Variants in PCNX2 observed in about 807,000 individuals in gnomAD.
The protein encoded by PCNX2 is pecanex 2, also known as pecanex-like protein 2.
A neutral mutation model predicts 223.8 loss-of-function variants in PCNX2; 168 were observed. That is an observed-to-expected ratio of 0.75 (90% confidence interval 0.66 to 0.85). PCNX2 has a LOEUF of 0.85. Ranked by LOEUF, PCNX2 falls within the 40% of genes least tolerant of loss-of-function variation. The pLI, the probability that PCNX2 is intolerant of heterozygous loss-of-function variation, is 0.00. For synonymous variants in PCNX2, 1,006 were observed against 1,052.6 expected, an observed-to-expected ratio of 0.96 and a Z score of 0.86; for missense variants, 2,507 against 2,675.5, an observed-to-expected ratio of 0.94 and a Z score of 1.39.
At chr1:233,301,029 A>G in the PCNX2 span, among the ~76,000 whole-genome samples, 1 of 152,210 alleles carries the variant, frequency 6.6e-6, no homozygotes, top group Non-Finnish European at 1.5e-5. Context: ...AGGAGAAGTC[A>G]TACCTGCTAG....
rs1670086143 is a variant in PCNX2 at position 233,001,513 on chromosome 1, TAAA to T, written c.5097+21_5097+23del. The T allele has an allele frequency of 1.6e-6, 2 of 1,231,638 alleles. No homozygotes were observed. The highest frequency in any genetic ancestry group is 1.6e-5 in the African/African-American group (1 of 62,762). 76.3% of individuals were successfully genotyped at this position (1,231,638 alleles called of 1,614,324 possible). A position where few individuals can be genotyped will look rare whatever the true frequency, so the allele number is the denominator to read the frequency against. On this transcript the variant is annotated intron_variant, in intron 29 of 33. Coordinates refer to ENST00000258229, the MANE Select transcript of PCNX2 (RefSeq NM_014801.4). This position sits in a 1 kb window ranked among gnomAD's most constrained non-coding sequence, Gnocchi z 4.2. ...ATAAATAAATAAATAAATAAATAAA[TAAA>T]TAAATAAAATAGGTTTTTACCTGGT...
chr1:233,068,688 G>A (rs900318080), intron 23 of PCNX2, among the ~76,000 whole-genome samples: 3 of 151,548 alleles, frequency 2.0e-5, no homozygotes, highest in African/African-American at 7.3e-5. Flanking sequence ...AATACCTAGA[G>A]CAAACACTAA....
intron 21 of PCNX2, among the ~76,000 whole-genome samples, chr1:233,103,242 A>G (rs1287676872): frequency 6.6e-6 from 1 of 152,114 alleles, no homozygotes; most frequent in Non-Finnish European, 1.5e-5. Context: ...AAAATTGGGT[A>G]TCTATTCCCT....
In PCNX2 at chr1:232,997,542, A is replaced by G. The variant is rs552606462; in HGVS notation, c.5791+709T>C. Reference sequence around the variant, plus strand: ...GTAAAGCCAAGGACCAGCAGGAACCAGGGCAGAGCATCCATCTCTTTCATG... The same window carrying G: ...GTAAAGCCAAGGACCAGCAGGAACCGGGGCAGAGCATCCATCTCTTTCATG... On this transcript the variant is annotated intron_variant, in intron 32 of 33. Coordinates refer to ENST00000258229, the MANE Select transcript of PCNX2 (RefSeq NM_014801.4). Among the ~76,000 whole-genome samples, 409 of 152,342 alleles carry G rather than the reference A, an allele frequency of 2.7e-3. 2 individuals are homozygous for G. Among genetic ancestry groups the G allele is most frequent in the African/African-American group, 9.3e-3 (386 of 41,592 alleles).
At chr1:233,279,137 ACT>A (rs1661055341) in intron 1 of PCNX2, among the ~76,000 whole-genome samples, 1 of 152,134 alleles carries the variant, frequency 6.6e-6, no homozygotes, top group South Asian at 2.1e-4. Context: ...TTGGGTTATC[ACT>A]GATTCTAGGT....
At chr1:233,242,846 C>G (rs1337843648) in intron 8 of PCNX2, among the ~76,000 whole-genome samples, 1 of 152,178 alleles carries the variant, frequency 6.6e-6, no homozygotes. Context: ...TTCATTTTGG[C>G]TCTGAACTAC....
intron 1 of PCNX2, among the ~76,000 whole-genome samples, chr1:233,286,226 G>A (rs1044667328): frequency 5.9e-5 from 9 of 152,198 alleles, no homozygotes; most frequent in African/African-American, 2.2e-4. Flanking sequence ...CAGAAGAGAA[G>A]CGCTTCAGTG....
chr1:233,013,654 CACAATGA>C (rs1156978985), intron 28 of PCNX2, among the ~76,000 whole-genome samples: 1 of 152,146 alleles, frequency 6.6e-6, no homozygotes, highest in Non-Finnish European at 1.5e-5. Flanking sequence ...ATAATATAGA[CACAATGA>C]AGCAAGTCCA....
At chr1:233,052,464 T>C (rs1672041832) in intron 25 of PCNX2, among the ~76,000 whole-genome samples, 1 of 152,204 alleles carries the variant, frequency 6.6e-6, no homozygotes, top group Non-Finnish European at 1.5e-5. Flanking sequence ...TGCTTCTTTG[T>C]CATCACATCT....
intron 23 of PCNX2, among the ~76,000 whole-genome samples, chr1:233,075,886 C>T (rs1483436870): frequency 6.6e-6 from 1 of 152,114 alleles, no homozygotes; most frequent in South Asian, 2.1e-4. Flanking sequence ...TCCAAGACTA[C>T]TCAATATTTT....
At chr1:233,225,565 C>A (rs1174090260) in intron 10 of PCNX2, among the ~76,000 whole-genome samples, 1 of 152,190 alleles carries the variant, frequency 6.6e-6, no homozygotes, top group Non-Finnish European at 1.5e-5. Flanking sequence ...CCCATTGTAA[C>A]TTGCCAGAAA....
At chr1:233,188,045 C>T (rs1159423706) in intron 15 of PCNX2, among the ~76,000 whole-genome samples, 3 of 152,182 alleles carry the variant, frequency 2.0e-5, no homozygotes, top group East Asian at 3.8e-4. Context: ...CTTTCTATTG[C>T]CGTGTAACAA....
At chr1:233,303,569 C>T in the PCNX2 span, among the ~76,000 whole-genome samples, 1 of 152,148 alleles carries the variant, frequency 6.6e-6, no homozygotes, top group Non-Finnish European at 1.5e-5. Flanking sequence ...ATATTATATA[C>T]ACACTATGTT....
intron 25 of PCNX2, 98 bp from the exon 26 acceptor site, chr1:233,025,497 T>C (rs1558172128): frequency 7.5e-6 from 11 of 1,463,646 alleles, no homozygotes; most frequent in Non-Finnish European, 1.0e-5. Context: ...GGGAAGAGGC[T>C]GAAGGGAGTC....
chr1:233,097,129 G>C (rs896021376), intron 21 of PCNX2, among the ~76,000 whole-genome samples: 3 of 152,030 alleles, frequency 2.0e-5, no homozygotes, highest in African/African-American at 7.3e-5. Context: ...CAAACAGAGA[G>C]AATCCTTAAG....
chr1:233,123,751 A>G (rs1675940924), intron 21 of PCNX2, among the ~76,000 whole-genome samples: 1 of 152,204 alleles, frequency 6.6e-6, no homozygotes, highest in Non-Finnish European at 1.5e-5. Context: ...GAAAATGTGG[A>G]CTACTTTCAG....
chr1:233,286,661 G>T (rs1448324381), intron 1 of PCNX2, among the ~76,000 whole-genome samples: 1 of 151,956 alleles, frequency 6.6e-6, no homozygotes, highest in Non-Finnish European at 1.5e-5. Flanking sequence ...CAAGACAAGC[G>T]CCAGAGAGAC....
At chr1:233,214,335 G>A (rs928791189) in intron 12 of PCNX2, among the ~76,000 whole-genome samples, 3 of 152,160 alleles carry the variant, frequency 2.0e-5, no homozygotes, top group Non-Finnish European at 4.4e-5. Flanking sequence ...ATTGAGAGAA[G>A]TAAGTTTCCC....
At chr1:233,079,585 T>C (rs2102919494) in intron 23 of PCNX2, among the ~76,000 whole-genome samples, 1 of 151,092 alleles carries the variant, frequency 6.6e-6, no homozygotes. Flanking sequence ...ATAAAAGCCA[T>C]TACTTTCTTT....
Sources: gnomAD v4.1 joint callset for allele counts (sites outside exome capture counted in the v4.1 genomes callset) on GRCh38, gnomAD v4.1.1 for gene constraint, Gnocchi (gnomAD v3.1) non-coding constraint, MANE v1.5 for transcripts, NCBI Gene and HGNC (gene_info 2026-07-23, HGNC 2026-07-21) for gene names.